ARHGAP10: variants seen among roughly 807,000 people sequenced by gnomAD.
ARHGAP10 encodes the protein Rho GTPase activating protein 10, also known as rho GTPase-activating protein 10.
A neutral mutation model predicts 108.6 loss-of-function variants in ARHGAP10; 87 were observed. The observed-to-expected ratio is 0.80, with a 90% CI of 0.67 to 0.96. The LOEUF is 0.96. Ranked by LOEUF, ARHGAP10 falls within the 40% of genes least tolerant of loss-of-function variation. The pLI, the probability that ARHGAP10 is intolerant of heterozygous loss-of-function variation, is 0.00. For missense variants in ARHGAP10, 939 were observed against 954.5 expected (o/e 0.98, Z 0.21); for synonymous variants, 347 against 341.1 (o/e 1.02, Z -0.19).
In ARHGAP10 at chr4:147,912,548, AATATATAT is replaced by A. The variant is rs59663731; in HGVS notation, c.1163-482_1163-475del. Among the ~76,000 whole-genome samples the A allele has an allele frequency of 9.1e-3, 1,086 of 119,632 alleles. 13 individuals carry two copies. The highest frequency in any genetic ancestry group is 0.025 in the African/African-American group (656 of 25,994). 78.5% of individuals were successfully genotyped at this position (119,632 alleles called of 152,430 possible). ...AAAACAAAAAACAAACAAACAAACA[AATATATAT>A]ATATATATATATATATATATATATA... On this transcript the variant is annotated intron_variant, in intron 12 of 22. Transcript: ENST00000336498.
intron 10 of ARHGAP10, among the ~76,000 whole-genome samples, chr4:147,886,504 G>C (rs1735570277): frequency 6.6e-6 from 1 of 152,182 alleles, no homozygotes; most frequent in African/African-American, 2.4e-5. Context: ...CCTACAGTCT[G>C]TTGTTCGTCG....
At chr4:147,993,015 GC>G (rs1740338735) in intron 18 of ARHGAP10, among the ~76,000 whole-genome samples, 1 of 152,182 alleles carries the variant, frequency 6.6e-6, no homozygotes, top group Non-Finnish European at 1.5e-5. Flanking sequence ...TACTTCTTAT[GC>G]AGATATTTGT....
intron 1 of ARHGAP10, among the ~76,000 whole-genome samples, chr4:147,789,470 T>C (rs1433886828): frequency 6.6e-6 from 1 of 152,204 alleles, no homozygotes; most frequent in Non-Finnish European, 1.5e-5. Flanking sequence ...TTTTGTATTT[T>C]TAGTAGAGAT....
chr4:147,999,137 A>T (rs1178597788), intron 18 of ARHGAP10, among the ~76,000 whole-genome samples: 1 of 152,226 alleles, frequency 6.6e-6, no homozygotes, highest in African/African-American at 2.4e-5. Flanking sequence ...GAGGGCATTG[A>T]CCTGTAAACA....
chr4:147,890,270 G>A (rs974829242), intron 10 of ARHGAP10, among the ~76,000 whole-genome samples: 3 of 144,226 alleles, frequency 2.1e-5, no homozygotes, highest in Admixed American at 7.3e-5. Context: ...AGGGTGGGGC[G>A]GAGCTCAGCT....
chr4:148,031,060 A>G (rs1728128923), intron 19 of ARHGAP10, among the ~76,000 whole-genome samples: 2 of 152,030 alleles, frequency 1.3e-5, no homozygotes, highest in African/African-American at 4.8e-5. Flanking sequence ...CCCCATCTCC[A>G]ACAACAACAA....
chr4:148,063,874 G>T (rs1729737443), intron 21 of ARHGAP10, among the ~76,000 whole-genome samples: 1 of 152,222 alleles, frequency 6.6e-6, no homozygotes, highest in African/African-American at 2.4e-5. Context: ...ATGGTGAGAA[G>T]CTGGGCCTGG....
intron 1 of ARHGAP10, among the ~76,000 whole-genome samples, chr4:147,818,001 T>C (rs566415717): frequency 2.0e-5 from 3 of 152,274 alleles, no homozygotes; most frequent in South Asian, 2.1e-4. Context: ...TGAAATCTCT[T>C]GAAAGATTGA....
chr4:147,865,472 T>C (rs1288881047), intron 6 of ARHGAP10: 1 of 153,032 alleles, frequency 6.5e-6, no homozygotes, highest in Non-Finnish European at 1.5e-5. Flanking sequence ...TGATTTTTGT[T>C]TGTGATTATA....
At chr4:147,969,345 T>TTG (rs761497318) in intron 18 of ARHGAP10, among the ~76,000 whole-genome samples, 6,926 of 128,676 alleles carry the variant, frequency 0.054, 257 homozygotes, top group African/African-American at 0.13. Flanking sequence ...TTTTTTTTTT[T>TTG]GCCAGTGGTG....
In ARHGAP10 at chr4:147,793,868, A is replaced by C. The variant is rs1188897138; in HGVS notation, c.155-28859A>C. On this transcript the variant is annotated intron_variant, in intron 1 of 22. Coordinates refer to ENST00000336498, the MANE Select transcript of ARHGAP10 (RefSeq NM_024605.4). ...AGTGAACAAGTAGAAACACATAGGC[A>C]TTCTTAACAGAATCTAAAGTTCCAC... Among the ~76,000 whole-genome samples the C allele has an allele frequency of 2.6e-5, 4 of 152,264 alleles. No homozygotes were observed. In the East Asian group the frequency reaches 7.7e-4, roughly 29 times the overall value.
intron 18 of ARHGAP10, among the ~76,000 whole-genome samples, chr4:147,975,856 AG>A (rs1739572599): frequency 6.6e-6 from 1 of 152,224 alleles, no homozygotes; most frequent in Admixed American, 6.5e-5. Flanking sequence ...GCACATATAG[AG>A]GAGTATCACA....
rs924802050 is a variant in ARHGAP10 at position 147,997,289 on chromosome 4, G to A, written c.1717-25974G>A. Among the ~76,000 whole-genome samples, 6 of 152,130 alleles carry A rather than the reference G, an allele frequency of 3.9e-5. No homozygotes were observed. The South Asian group carries it at 6.2e-4, about 16-fold the overall frequency. ...AACTGTACATCAATAATCTATTTTG[G>A]AAGAAATAACTGATCTAAGAAAGAG... On this transcript the variant is annotated intron_variant, in intron 18 of 22. Coordinates refer to ENST00000336498, the MANE Select transcript of ARHGAP10 (RefSeq NM_024605.4).
At chr4:147,859,821 T>C (rs1935225473) in intron 5 of ARHGAP10, among the ~76,000 whole-genome samples, 1 of 152,246 alleles carries the variant, frequency 6.6e-6, no homozygotes, top group South Asian at 2.1e-4. Context: ...AATTAACCTC[T>C]AGAAACATGA....
At chr4:148,001,265 T>C (rs1451484747) in intron 18 of ARHGAP10, among the ~76,000 whole-genome samples, 1 of 152,196 alleles carries the variant, frequency 6.6e-6, no homozygotes, top group Non-Finnish European at 1.5e-5. Context: ...TTCTGTTCAT[T>C]GGTCTGTATC....
intron 20 of ARHGAP10, among the ~76,000 whole-genome samples, chr4:148,047,750 AT>A (rs1335681080): frequency 1.3e-4 from 20 of 152,332 alleles, no homozygotes; most frequent in Admixed American, 1.0e-3. Context: ...TCCAATAATA[AT>A]TACAAGGCAA....
chr4:147,785,966 T>G lies in ARHGAP10; in HGVS notation c.155-36761T>G, dbSNP rs529247123. Among the ~76,000 whole-genome samples the G allele has an allele frequency of 7.2e-5, 11 of 152,320 alleles. No individual in the cohort carries two copies. In the South Asian group the frequency reaches 2.1e-3, roughly 29 times the overall value. On this transcript the variant is annotated intron_variant, in intron 1 of 22. Transcript: ENST00000336498. Reference sequence around the variant, plus strand: ...GTGAAAAACTGAGTGTATTAACTCCTTTTACAGGTCAAACTTCTTTCTGAT... The same window carrying G: ...GTGAAAAACTGAGTGTATTAACTCCGTTTACAGGTCAAACTTCTTTCTGAT...
chr4:147,908,082 G>A (rs776555352), intron 11 of ARHGAP10, among the ~76,000 whole-genome samples: 2 of 152,122 alleles, frequency 1.3e-5, no homozygotes, highest in Admixed American at 6.6e-5. Flanking sequence ...GACCTCAAAC[G>A]ATCCACCCAC....
chr4:148,000,584 C>T (rs2149644495), intron 18 of ARHGAP10, among the ~76,000 whole-genome samples: 1 of 152,282 alleles, frequency 6.6e-6, no homozygotes, highest in East Asian at 1.9e-4. Flanking sequence ...CTCTGCAGCA[C>T]CTGTTGTTTC....
Sources: allele counts gnomAD v4.1 joint callset (sites outside exome capture counted in the v4.1 genomes callset), GRCh38; gene constraint gnomAD v4.1.1; transcripts MANE v1.5; gene names NCBI Gene and HGNC (gene_info 2026-07-23, HGNC 2026-07-21).